The following CCDC107 variants were observed in gnomAD, a reference collection of about 807,000 sequenced individuals.
The protein encoded by CCDC107 is coiled-coil domain containing 107.
CCDC107 carries 17 observed loss-of-function variants against 17.9 expected under a neutral mutation model. That is an observed-to-expected ratio of 0.95 (90% CI 0.65 to 1.42). The LOEUF (loss-of-function observed/expected upper bound fraction) is 1.42, where lower values mean the gene tolerates loss of function less well. CCDC107 is among the 40% of genes most tolerant of loss of function. The pLI, the probability that CCDC107 is intolerant of heterozygous loss-of-function variation, is 0.00. For missense variants in CCDC107, 388 were observed against 360.1 expected, an observed-to-expected ratio of 1.08 and a Z score of -0.63; for synonymous variants, 170 against 157.2, an observed-to-expected ratio of 1.08 and a Z score of -0.61.
intron 3 of CCDC107, 25 bp downstream of exon 3, chr9:35,660,486 G>C: frequency 6.2e-7 from 1 of 1,613,352 alleles, no homozygotes; most frequent in South Asian, 1.1e-5. Flanking sequence ...AGTCTGTGCT[G>C]GGTCGGGGGA....
At position 35,660,704 on chromosome 9, in the gene CCDC107, T is replaced by A. The variant is rs1333975083; in HGVS notation, c.411-42T>A. ...GGGAATTTGTGGCAGGAGGGAGGAATGGGGACATAGGTTGGGAGCCACTGA... is the reference window on the plus strand; with the variant it reads ...GGGAATTTGTGGCAGGAGGGAGGAAAGGGGACATAGGTTGGGAGCCACTGA... On this transcript the variant is annotated intron_variant, in intron 4 of 4. Coordinates refer to ENST00000426546, the MANE Select transcript of CCDC107 (RefSeq NM_174923.3). 3.1e-6 allele frequency: 5 copies of A among 1,613,620 alleles called. No individual in the cohort carries two copies. The South Asian group carries it at 5.5e-5, about 18-fold the overall frequency.
At position 35,661,511 on chromosome 9, in the gene CCDC107, A is replaced by T; in HGVS notation, c.*324A>T. ...GATAGAAACTATACACAACATAAAA[A>T]TAGCCACATTTACAAAGCTGCAGCC... On this transcript the variant is annotated 3_prime_UTR_variant, in exon 5 of 5. Coordinates refer to ENST00000426546, the MANE Select transcript of CCDC107 (RefSeq NM_174923.3). 2.2e-6 allele frequency: 1 copy of T among 446,912 alleles called. No homozygotes were observed. The highest frequency in any genetic ancestry group is 3.9e-6 in the Non-Finnish European group (1 of 255,220). 27.7% of individuals were successfully genotyped at this position (446,912 alleles called of 1,614,324 possible).
chr9:35,660,319 C>T, intron 2 of CCDC107, 82 bp from the exon 3 acceptor site: 1 of 1,233,190 alleles, frequency 8.1e-7, no homozygotes, highest in Non-Finnish European at 1.1e-6. Flanking sequence ...AAATTGCACT[C>T]TCTCTTGGCT....
At position 35,658,620 on chromosome 9, in the gene CCDC107, C is replaced by T. The variant is rs1823707883; in HGVS notation, c.151C>T (p.Arg51Ter). Residue 51 changes from arginine (R) to a stop codon, truncating the protein, a stop_gained, in exon 2 of 5, where the codon CGA becomes TGA. Coordinates refer to ENST00000426546, the MANE Select transcript of CCDC107 (RefSeq NM_174923.3). LOFTEE classifies it high-confidence loss of function. ...CTCTGGAGCCACGGAACCCCGGCGGCGACCACCGCTCAAGGATCAACGCGA... is the reference window on the plus strand; with the variant it reads ...CTCTGGAGCCACGGAACCCCGGCGGTGACCACCGCTCAAGGATCAACGCGA... ...PGSGATEPRR[R>*]PPLKDQRERT... is the part of the protein sequence containing the mutation. 1 of 1,571,144 alleles carries T rather than the reference C, an allele frequency of 6.4e-7. No individual in the cohort carries two copies. Among genetic ancestry groups the T allele is most frequent in the East Asian group, 2.4e-5 (1 of 42,208 alleles).
In CCDC107 at chr9:35,661,154, TG is replaced by T. The variant is rs1189029600; in HGVS notation, c.820del (p.Glu274LysfsTer4). The T allele has an allele frequency of 6.8e-6, 11 of 1,607,454 alleles. No homozygotes were observed. In the Admixed American group the frequency reaches 1.5e-4, roughly 22 times the overall value. On this transcript the variant is annotated frameshift_variant, in exon 5 of 5. Transcript: ENST00000426546. LOFTEE classifies it high-confidence loss of function. ...SLGWEGGTTA[E>X]GRLKQSLFS is the part of the protein sequence containing the mutation. ...TTGGCTGGGAAGGAGGGACGACAGC[TG>T]AAGGTCGACTAAAACAAAGTCTGTT...
intron 2 of CCDC107, 47 bp from the exon 3 acceptor site, chr9:35,660,354 G>A: frequency 6.6e-7 from 1 of 1,510,092 alleles, no homozygotes; most frequent in Non-Finnish European, 8.9e-7. Context: ...AGGTGATGGA[G>A]CAGAACCTTG....
In CCDC107 at chr9:35,658,594, G is replaced by A. The variant is rs1416513390; in HGVS notation, c.125G>A (p.Gly42Asp). 3 of 1,582,808 alleles carry A rather than the reference G, an allele frequency of 1.9e-6. No individual in the cohort carries two copies. The highest frequency in any genetic ancestry group is 1.7e-5 in the Admixed American group (1 of 59,148). ...TCCGCAGGGAACGCAGCCCACCCCG[G>A]CTCTGGAGCCACGGAACCCCGGCGG... is the stretch of plus-strand genomic sequence containing the variant. Reference protein sequence around the residue: ...RAHPGNAAHPGSGATEPRRRP... With the variant: ...RAHPGNAAHPDSGATEPRRRP... Residue 42 changes from glycine to aspartate, a missense_variant, in exon 2 of 5, where the codon GGC becomes GAC. By Grantham distance (94) the Gly-to-Asp change is moderately conservative. Coordinates refer to ENST00000426546, the MANE Select transcript of CCDC107 (RefSeq NM_174923.3).
At position 35,658,335 on chromosome 9, in the gene CCDC107, C is replaced by A; in HGVS notation, c.-45C>A. ...GTTGGGGCGGCCGGCCAATGCCGGACCGCTTCGGCACCGCCCGCCCGATCC... is the reference window on the plus strand; with the variant it reads ...GTTGGGGCGGCCGGCCAATGCCGGAACGCTTCGGCACCGCCCGCCCGATCC... On this transcript the variant is annotated 5_prime_UTR_variant, in exon 1 of 5. Coordinates refer to ENST00000426546, the MANE Select transcript of CCDC107 (RefSeq NM_174923.3). The A allele has an allele frequency of 7.6e-7, 1 of 1,313,540 alleles. No individual in the cohort carries two copies. The highest frequency in any genetic ancestry group is 9.7e-7 in the Non-Finnish European group (1 of 1,032,156). The allele number at this position is 1,313,540 out of a possible 1,614,324, so 81.4% of individuals were successfully genotyped here.
rs780841504 is a variant in CCDC107 at position 35,658,673 on chromosome 9, G to T, written c.204G>T (p.Leu68=). ...RERTRAGSLP[L]GALYTAAVAA... ...GGACCCGGGCCGGGTCGCTGCCTCTGGGGGCGCTGTACACCGCGGCCGTCG... is the reference window on the plus strand; with the variant it reads ...GGACCCGGGCCGGGTCGCTGCCTCTTGGGGCGCTGTACACCGCGGCCGTCG... The change falls in exon 2 of 5, where the codon CTG becomes CTT. Residue 68 remains leucine, a synonymous_variant. Coordinates refer to ENST00000426546, the MANE Select transcript of CCDC107 (RefSeq NM_174923.3). 1.3e-6 allele frequency: 2 copies of T among 1,573,118 alleles called. No individual in the cohort carries two copies. Among genetic ancestry groups the T allele is most frequent in the Non-Finnish European group, 8.6e-7 (1 of 1,166,028 alleles).
At position 35,658,373 on chromosome 9, in the gene CCDC107, G is replaced by A. The variant is rs530945104; in HGVS notation, c.-7G>A. 14 of 1,405,394 alleles carry A rather than the reference G, an allele frequency of 1.0e-5. No homozygotes were observed. The highest frequency in any genetic ancestry group is 1.6e-5 in the South Asian group (1 of 64,164). The allele number at this position is 1,405,394 out of a possible 1,614,324, so 87.1% of individuals were successfully genotyped here. The stretch of plus-strand genomic sequence containing the variant: ...GCCCGCCCGATCCCTCCACCCGTGG[G>A]CCGGCAATGGCGGGCGCAGTTTCGC... On this transcript the variant is annotated 5_prime_UTR_variant, in exon 1 of 5. Transcript: ENST00000426546.
chr9:35,660,289 C>G (rs976422306), intron 2 of CCDC107, 112 bp from the exon 3 acceptor site: 1 of 908,064 alleles, frequency 1.1e-6, no homozygotes, highest in Admixed American at 2.5e-5. Context: ...AGGTAAAAAC[C>G]CAATCACTGT....
chr9:35,659,844 C>T (rs1489266759), intron 2 of CCDC107: 1 of 152,566 alleles, frequency 6.6e-6, no homozygotes, highest in Admixed American at 6.5e-5. Flanking sequence ...GTCTAACAAC[C>T]AAAGTTTTTG....
rs1445099810 is a variant in CCDC107, at chr9:35,658,738, G to A, written c.258+11G>A. 4 of 1,478,664 alleles carry A rather than the reference G, an allele frequency of 2.7e-6. No homozygotes were observed. The highest frequency in any genetic ancestry group is 3.6e-6 in the Non-Finnish European group (4 of 1,113,032). 91.6% of individuals were successfully genotyped at this position (1,478,664 alleles called of 1,614,324 possible). A position where few individuals can be genotyped will look rare whatever the true frequency, so the allele number is the denominator to read the frequency against. On this transcript the variant is annotated intron_variant, in intron 2 of 4. Transcript: ENST00000426546. ...TACAAGTGTTTGCAGGTACGGGGCG[G>A]CCGGGGGTAGGGGTGCCCCTGCAGG...
Position 35,661,201 on chromosome 9 carries a change from T to C in CCDC107, c.*14T>C. The C allele has an allele frequency of 6.4e-7, 1 of 1,571,392 alleles. No individual in the cohort carries two copies. Among genetic ancestry groups the C allele is most frequent in the Non-Finnish European group, 8.6e-7 (1 of 1,156,816 alleles). On this transcript the variant is annotated 3_prime_UTR_variant, in exon 5 of 5. Transcript: ENST00000426546. ...CTGTTTTCATGATGGAGTGCTCCTG[T>C]GTGTTTTTTCGATCCTAGTTGGTTG... is the stretch of plus-strand genomic sequence containing the variant.
chr9:35,660,916 C>G lies in CCDC107; in HGVS notation c.581C>G (p.Thr194Arg). 6.2e-7 allele frequency: 1 copy of G among 1,614,194 alleles called. No homozygotes were observed. Reference sequence around the variant, plus strand: ...GGAGACAAAGTCTCTGAAACTGGAACATTCCTGATCTCTCCCCACACAGAG... The same window carrying G: ...GGAGACAAAGTCTCTGAAACTGGAAGATTCCTGATCTCTCCCCACACAGAG... ...GGGDKVSETG[T>R]FLISPHTEAS... The change falls in exon 5 of 5, where the codon ACA (threonine) becomes AGA (arginine). Residue 194 changes from threonine to arginine, a missense_variant. Physicochemically the swap from Thr to Arg is moderately conservative, Grantham distance 71. Transcript: ENST00000426546.
intron 4 of CCDC107, 25 bp from the exon 5 acceptor site, chr9:35,660,721 A>T: frequency 6.2e-7 from 1 of 1,613,692 alleles, no homozygotes; most frequent in Non-Finnish European, 8.5e-7. Flanking sequence ...ATAGGTTGGG[A>T]GCCACTGAGT....
At chr9:35,660,164 C>T (rs1020374925) in intron 2 of CCDC107, 10 of 438,064 alleles carry the variant, frequency 2.3e-5, no homozygotes, top group South Asian at 2.0e-4. Flanking sequence ...TTTTTCAAAC[C>T]GGAGGGAGTT....
chr9:35,659,466 G>A (rs1214337084), intron 2 of CCDC107: 1 of 152,222 alleles, frequency 6.6e-6, no homozygotes, highest in Admixed American at 6.5e-5. Flanking sequence ...AAGAGAGTTA[G>A]GCATTCCAGT....
intron 3 of CCDC107, 26 bp downstream of exon 3, chr9:35,660,487 G>A (rs1447583000): frequency 6.2e-7 from 1 of 1,613,364 alleles, no homozygotes; most frequent in South Asian, 1.1e-5. Context: ...GTCTGTGCTG[G>A]GTCGGGGGAG....
Sources: gnomAD v4.1 joint callset for allele counts on GRCh38, gnomAD v4.1.1 for gene constraint, MANE v1.5 for transcripts, NCBI Gene and HGNC (gene_info 2026-07-23, HGNC 2026-07-21) for gene names.